The following CAST variants were observed in gnomAD, a reference collection of about 807,000 sequenced individuals.
The protein encoded by CAST is calpastatin, also known as MIR583 host.
A neutral mutation model predicts 119.6 loss-of-function variants in CAST; 76 were observed. That is an observed-to-expected ratio of 0.64 (90% CI 0.53 to 0.77). The LOEUF is 0.77. CAST is among the 30% of genes least tolerant of loss of function. The probability of loss-of-function intolerance (pLI) is 0.00; values close to 1 mark genes in which losing one functional copy is unlikely to be tolerated. For synonymous variants in CAST, 319 were observed against 331.6 expected, an observed-to-expected ratio of 0.96 and a Z score of 0.41; for missense variants, 953 against 946.5, an observed-to-expected ratio of 1.01 and a Z score of -0.09.
the CAST span, chr5:96,433,328 T>A: frequency 2.1e-6 from 1 of 467,796 alleles, no homozygotes; most frequent in East Asian, 4.2e-5. Context: ...TGACGTCAGA[T>A]CTACCTGGAC....
chr5:96,599,020 G>C (rs973066882), intron 1 of CAST, among the ~76,000 whole-genome samples: 3 of 152,172 alleles, frequency 2.0e-5, no homozygotes, highest in Non-Finnish European at 2.9e-5. Context: ...GAGGTCTCCA[G>C]CTTCTGACCG....
chr5:96,608,891 A>C (rs1190367542), intron 1 of CAST, among the ~76,000 whole-genome samples: 3 of 152,204 alleles, frequency 2.0e-5, no homozygotes, highest in African/African-American at 7.2e-5. Context: ...GTGAGAATTT[A>C]CTATCACAAG....
At chr5:96,480,329 ATAG>A in the CAST span, among the ~76,000 whole-genome samples, 1 of 152,156 alleles carries the variant, frequency 6.6e-6, no homozygotes, top group African/African-American at 2.4e-5. Flanking sequence ...ATTCAGAGGA[ATAG>A]TAGTAATCTG....
intron 1 of CAST, among the ~76,000 whole-genome samples, chr5:96,572,489 C>T (rs768752155): frequency 6.6e-6 from 1 of 150,548 alleles, no homozygotes; most frequent in Non-Finnish European, 1.5e-5. Flanking sequence ...GTGTGAGCCA[C>T]TGCACCCTGT....
the CAST span, among the ~76,000 whole-genome samples, chr5:96,373,648 C>A: frequency 2.0e-5 from 3 of 152,272 alleles, no homozygotes; most frequent in South Asian, 2.1e-4. Flanking sequence ...TAACATCTAA[C>A]AATAGAATCG....
chr5:96,743,574 G>T, intron 16 of CAST: 1 of 1,587,302 alleles, frequency 6.3e-7, no homozygotes, highest in Non-Finnish European at 8.6e-7. Flanking sequence ...GGGAAGGGGA[G>T]TCTCCCTGAC....
chr5:96,140,305 T>G, the CAST span, among the ~76,000 whole-genome samples: 1 of 152,360 alleles, frequency 6.6e-6, no homozygotes, highest in Admixed American at 6.5e-5. Context: ...GGCTGGAGAT[T>G]GAGCTATTTG....
At chr5:95,977,146 A>G in the CAST span, among the ~76,000 whole-genome samples, 2 of 152,242 alleles carry the variant, frequency 1.3e-5, no homozygotes, top group Non-Finnish European at 2.9e-5. Flanking sequence ...TTCTGCTGCT[A>G]TAACAAAATA....
At chr5:96,751,772 GC>G (rs930793047) in intron 20 of CAST, among the ~76,000 whole-genome samples, 4 of 152,198 alleles carry the variant, frequency 2.6e-5, no homozygotes, top group African/African-American at 9.6e-5. Flanking sequence ...TGCCTCATCT[GC>G]CAAGTGTGAC....
At chr5:96,329,884 C>A in the CAST span, among the ~76,000 whole-genome samples, 1 of 152,206 alleles carries the variant, frequency 6.6e-6, no homozygotes, top group East Asian at 1.9e-4. Context: ...AGGCTCTGAG[C>A]AGAGATTTGT....
the CAST span, among the ~76,000 whole-genome samples, chr5:96,217,005 C>T: frequency 1.3e-5 from 2 of 151,952 alleles, no homozygotes; most frequent in African/African-American, 4.8e-5. Flanking sequence ...AAGATGTGTA[C>T]TCAAGAGTTG....
chr5:96,413,530 T>C, the CAST span, among the ~76,000 whole-genome samples: 2 of 152,200 alleles, frequency 1.3e-5, no homozygotes, highest in East Asian at 3.9e-4. Context: ...CCAGGCGCAG[T>C]GGCTCATGCC....
At chr5:96,746,229 C>T (rs1246607590) in intron 16 of CAST, 113 bp from the exon 17 acceptor site, 2 of 698,552 alleles carry the variant, frequency 2.9e-6, no homozygotes, top group East Asian at 2.6e-5. Context: ...CTTCCAGATG[C>T]TTTTACCAGA....
At chr5:96,411,683 A>G in the CAST span, among the ~76,000 whole-genome samples, 4 of 152,230 alleles carry the variant, frequency 2.6e-5, no homozygotes, top group African/African-American at 4.8e-5. Flanking sequence ...TACTAGTGTA[A>G]AAACCCAAAA....
intron 3 of CAST, among the ~76,000 whole-genome samples, chr5:96,704,865 A>G (rs1754618252): frequency 1.3e-5 from 2 of 152,162 alleles, no homozygotes; most frequent in African/African-American, 4.8e-5. Context: ...TGTCATCTTA[A>G]TGTTTCTCAA....
At chr5:96,636,649 G>T (rs900721190) in intron 1 of CAST, among the ~76,000 whole-genome samples, 1 of 152,084 alleles carries the variant, frequency 6.6e-6, no homozygotes, top group Admixed American at 6.5e-5. Flanking sequence ...AAACAAAAAA[G>T]TAAAATAAAA....
At chr5:96,257,903 A>G in the CAST span, among the ~76,000 whole-genome samples, 4 of 152,188 alleles carry the variant, frequency 2.6e-5, no homozygotes, top group East Asian at 7.7e-4. Context: ...AAACATACTA[A>G]AAACTCTGTG....
At chr5:96,622,797 A>T (rs1003503363) in intron 1 of CAST, among the ~76,000 whole-genome samples, 1 of 150,516 alleles carries the variant, frequency 6.6e-6, no homozygotes, top group African/African-American at 2.4e-5. Flanking sequence ...ACAGTTTCTT[A>T]CTTGCTATTC....
the CAST span, among the ~76,000 whole-genome samples, chr5:96,043,894 C>T: frequency 2.0e-5 from 3 of 152,108 alleles, no homozygotes; most frequent in Admixed American, 2.0e-4. Context: ...AGAATCAATG[C>T]AGGGAAGGCA....
Sources: allele counts gnomAD v4.1 joint callset (sites outside exome capture counted in the v4.1 genomes callset), GRCh38; gene constraint gnomAD v4.1.1; transcripts MANE v1.5; gene names NCBI Gene and HGNC (gene_info 2026-07-23, HGNC 2026-07-21).